The following ERC1 variants were observed in gnomAD, a reference collection of about 807,000 sequenced individuals.
The protein encoded by ERC1 is ELKS/RAB6-interacting/CAST family member 1, also known as RAB6 interacting protein 2.
In ERC1, 56 loss-of-function variants were observed where a neutral mutation model predicts 132.0. That is an observed-to-expected ratio of 0.42 (90% CI 0.34 to 0.53). The LOEUF (loss-of-function observed/expected upper bound fraction) is 0.53. Among genes scored for constraint, ERC1 ranks in the 20% least tolerant of loss-of-function variants. ERC1 has a pLI of 0.03. For missense variants in ERC1, 1,202 were observed against 1,349.9 expected, an observed-to-expected ratio of 0.89 and a Z score of 1.72; for synonymous variants, 478 against 476.1, an observed-to-expected ratio of 1.00 and a Z score of -0.05.
intron 2 of ERC1, among the ~76,000 whole-genome samples, chr12:1,079,296 CAG>C (rs1941856623): frequency 6.7e-6 from 1 of 148,386 alleles, no homozygotes; most frequent in African/African-American, 2.5e-5. Context: ...AGTCGATATA[CAG>C]AGATACAGAT....
intron 16 of ERC1, among the ~76,000 whole-genome samples, chr12:1,395,725 C>T (rs530127549): frequency 1.2e-4 from 18 of 152,032 alleles, no homozygotes; most frequent in African/African-American, 3.6e-4. Context: ...ATTACAAAAA[C>T]GGTCATGATG....
At chr12:1,440,495 C>A (rs138714245) in intron 17 of ERC1, among the ~76,000 whole-genome samples, 3 of 147,586 alleles carry the variant, frequency 2.0e-5, no homozygotes, top group East Asian at 1.9e-4. Flanking sequence ...TGTGAGCCAC[C>A]GCGCCCGGCC....
intron 18 of ERC1, among the ~76,000 whole-genome samples, chr12:1,477,221 AC>A (rs1473195968): frequency 2.0e-5 from 3 of 152,168 alleles, no homozygotes; most frequent in Non-Finnish European, 2.9e-5. Flanking sequence ...TTTAAAGAAC[AC>A]CTACCTCAAA....
chr12:1,284,330 A>G (rs1392877016), intron 14 of ERC1, among the ~76,000 whole-genome samples: 1 of 149,200 alleles, frequency 6.7e-6, no homozygotes, highest in Admixed American at 6.7e-5. Flanking sequence ...CATTTTATCC[A>G]TTCATCCACT....
rs967546155 is a variant in ERC1 at position 1,363,668 on chromosome 12, C to G, written c.2781-8165C>G. 2.7e-4 allele frequency among the ~76,000 whole-genome samples: 41 copies of G among 151,654 alleles called. 1 individual carries two copies. Among genetic ancestry groups the G allele is most frequent in the African/African-American group, 9.9e-4 (41 of 41,374 alleles). ...CTCCTGGGCTCAAAGGATGCTCCCA[C>G]CTCAGTCCCCCAGGTAGCTGGGACT... is the stretch of plus-strand genomic sequence containing the variant. On this transcript the variant is annotated intron_variant, in intron 15 of 18. Transcript: ENST00000360905.
chr12:1,333,904 A>G (rs1019810967), intron 15 of ERC1, among the ~76,000 whole-genome samples: 3 of 151,920 alleles, frequency 2.0e-5, no homozygotes, highest in African/African-American at 2.4e-5. Context: ...TTTTCCCACA[A>G]CCTCGCCAGC....
intron 16 of ERC1, among the ~76,000 whole-genome samples, chr12:1,393,947 C>CGGAGGTT (rs1460189405): frequency 8.5e-5 from 11 of 129,856 alleles, no homozygotes; most frequent in African/African-American, 2.7e-4. Context: ...ACCCGGGAGG[C>CGGAGGTT]GGAGGTTGCA....
At chr12:1,040,399 C>T (rs1000609051) in intron 2 of ERC1, among the ~76,000 whole-genome samples, 10 of 151,046 alleles carry the variant, frequency 6.6e-5, no homozygotes, top group African/African-American at 2.2e-4. Context: ...CTCCGCCTCC[C>T]GAGTTCATGT....
At chr12:1,354,929 C>G (rs2085380428) in intron 15 of ERC1, among the ~76,000 whole-genome samples, 1 of 152,170 alleles carries the variant, frequency 6.6e-6, no homozygotes, top group South Asian at 2.1e-4. Flanking sequence ...GCAGTCCGCC[C>G]ACTGATTTAT....
chr12:1,215,635 T>A (rs1357678276), intron 12 of ERC1, among the ~76,000 whole-genome samples: 1 of 152,068 alleles, frequency 6.6e-6, no homozygotes, highest in Non-Finnish European at 1.5e-5. Context: ...ATCAGTTCTG[T>A]TTAGGGGAGT....
intron 12 of ERC1, chr12:1,204,611 G>C: frequency 4.6e-6 from 5 of 1,082,104 alleles, no homozygotes; most frequent in Non-Finnish European, 6.7e-6. Context: ...TTCAGGAGAG[G>C]GATATCTAGA....
At chr12:1,455,064 A>G (rs1315769426) in intron 18 of ERC1, among the ~76,000 whole-genome samples, 2 of 152,248 alleles carry the variant, frequency 1.3e-5, no homozygotes, top group Non-Finnish European at 2.9e-5. Context: ...AGCACTAAGA[A>G]AAAGGTTTTA....
At position 1,214,060 on chromosome 12, in the gene ERC1, G is replaced by A. The variant is rs1054587700; in HGVS notation, c.2352-22709G>A. Among the ~76,000 whole-genome samples, 3 of 152,320 alleles carry A rather than the reference G, an allele frequency of 2.0e-5. No homozygotes were observed. The East Asian group carries it at 5.8e-4, about 29-fold the overall frequency. ...ATTTCCTAAGAACAGAGGAATACATGCTGTTAACCATGGTAATAGAATCCT... is the reference window on the plus strand; with the variant it reads ...ATTTCCTAAGAACAGAGGAATACATACTGTTAACCATGGTAATAGAATCCT... On this transcript the variant is annotated intron_variant, in intron 12 of 18. Transcript: ENST00000360905.
rs1018116573 is a variant in ERC1, at chr12:1,161,399, T to C, written c.1738-19141T>C. On this transcript the variant is annotated intron_variant, in intron 8 of 18. Transcript: ENST00000360905. Reference sequence around the variant, plus strand: ...CTTTCCACCGTGTCATGCCCTGGCATTTCACTTCTGCTTTTAAACATTCGT... The same window carrying C: ...CTTTCCACCGTGTCATGCCCTGGCACTTCACTTCTGCTTTTAAACATTCGT... 2.8e-4 allele frequency among the ~76,000 whole-genome samples: 42 copies of C among 152,172 alleles called. 1 individual carries two copies. The highest frequency in any genetic ancestry group is 1.5e-5 in the Non-Finnish European group (1 of 68,024).
At chr12:1,146,162 AGT>A (rs1435899695) in intron 8 of ERC1, among the ~76,000 whole-genome samples, 4 of 151,470 alleles carry the variant, frequency 2.6e-5, no homozygotes, top group Admixed American at 6.6e-5. Context: ...TGCTTTTGGC[AGT>A]GTGGTAATTT....
intron 15 of ERC1, among the ~76,000 whole-genome samples, chr12:1,315,804 G>A (rs2081654705): frequency 6.6e-6 from 1 of 152,190 alleles, no homozygotes; most frequent in African/African-American, 2.4e-5. Context: ...TAGAAAGACA[G>A]TGAAGTGAAT....
chr12:1,159,480 A>G (rs1951694280), intron 8 of ERC1, among the ~76,000 whole-genome samples: 1 of 152,198 alleles, frequency 6.6e-6, no homozygotes, highest in African/African-American at 2.4e-5. Flanking sequence ...CTAACAGGCC[A>G]CAGACCGGCA....
At chr12:1,084,609 C>T (rs1942700835) in intron 3 of ERC1, among the ~76,000 whole-genome samples, 1 of 151,934 alleles carries the variant, frequency 6.6e-6, no homozygotes, top group Non-Finnish European at 1.5e-5. Flanking sequence ...TTAACAAAAA[C>T]TTATAACTCA....
intron 16 of ERC1, among the ~76,000 whole-genome samples, chr12:1,400,357 C>T (rs907698747): frequency 2.6e-5 from 4 of 152,230 alleles, no homozygotes; most frequent in African/African-American, 9.6e-5. Flanking sequence ...TATGTTCTCC[C>T]ATCCTGTCGT....
Sources: gnomAD v4.1 joint callset for allele counts (sites outside exome capture counted in the v4.1 genomes callset) on GRCh38, gnomAD v4.1.1 for gene constraint, MANE v1.5 for transcripts, NCBI Gene and HGNC (gene_info 2026-07-23, HGNC 2026-07-21) for gene names.